The following CTNNA3 variants were observed in gnomAD, a reference collection of about 807,000 sequenced individuals.
CTNNA3 encodes the protein catenin alpha-3.
Under a neutral mutation model 95.7 loss-of-function variants are expected in CTNNA3, and 76 were observed. The observed-to-expected ratio is 0.79, with a 90% CI of 0.66 to 0.96. The LOEUF (loss-of-function observed/expected upper bound fraction) is 0.96. Ranked by LOEUF, CTNNA3 falls within the 40% of genes least tolerant of loss-of-function variation. The pLI is 0.00. For missense variants in CTNNA3, 1,191 were observed against 1,089.8 expected (o/e 1.09, Z -1.31); for synonymous variants, 431 against 374.4 (o/e 1.15, Z -1.74).
At chr10:67,295,355 T>C (rs536506347) in intron 5 of CTNNA3, among the ~76,000 whole-genome samples, 1 of 152,310 alleles carries the variant, frequency 6.6e-6, no homozygotes, top group Admixed American at 6.5e-5. Flanking sequence ...TGTAAAATTA[T>C]AAAGCCATTT....
In CTNNA3 at chr10:65,916,125, A is replaced by C. The variant is rs188868209; in HGVS notation, c.*4205T>G. ...TAATGGTATGGGAAAAGAGTCATAA[A>C]GAAAAAAATGGAATTTTCATATAAA... is the stretch of plus-strand genomic sequence containing the variant. On this transcript the variant is annotated 3_prime_UTR_variant, in exon 18 of 18. Coordinates refer to ENST00000433211, the MANE Select transcript of CTNNA3 (RefSeq NM_013266.4). 430 of 152,268 alleles carry C rather than the reference A, an allele frequency of 2.8e-3. 4 individuals carry two copies. The highest frequency in any genetic ancestry group is 9.9e-3 in the African/African-American group (412 of 41,584). 9.4% of individuals were successfully genotyped at this position (152,268 alleles called of 1,614,324 possible).
At chr10:66,893,050 T>C (rs1845333931) in intron 7 of CTNNA3, among the ~76,000 whole-genome samples, 1 of 152,128 alleles carries the variant, frequency 6.6e-6, no homozygotes, top group Non-Finnish European at 1.5e-5. Flanking sequence ...GATGTTACTA[T>C]ACATGGTAAC....
At chr10:66,845,714 A>T (rs1385624364) in intron 7 of CTNNA3, among the ~76,000 whole-genome samples, 85 of 128,900 alleles carry the variant, frequency 6.6e-4, no homozygotes, top group Middle Eastern at 3.9e-3. Context: ...AAAAAAAAAA[A>T]AAAAAAAAAA....
chr10:65,979,268 A>G (rs1450740543), intron 16 of CTNNA3, among the ~76,000 whole-genome samples: 3 of 152,162 alleles, frequency 2.0e-5, no homozygotes, highest in Admixed American at 1.3e-4. Context: ...TCCTTATTCA[A>G]CAAAGCTCCT....
intron 15 of CTNNA3, among the ~76,000 whole-genome samples, chr10:66,022,088 G>T (rs1354911540): frequency 6.6e-6 from 1 of 151,754 alleles, no homozygotes; most frequent in Non-Finnish European, 1.5e-5. Context: ...AAACTTTTGG[G>T]CTCAAACAAT....
intron 11 of CTNNA3, among the ~76,000 whole-genome samples, chr10:66,506,972 A>G (rs931130092): frequency 6.6e-6 from 1 of 152,182 alleles, no homozygotes; most frequent in African/African-American, 2.4e-5. Context: ...TTAAATAAAT[A>G]TCATATTGAG....
intron 7 of CTNNA3, among the ~76,000 whole-genome samples, chr10:67,007,043 T>G (rs1231701868): frequency 6.6e-6 from 1 of 152,110 alleles, no homozygotes; most frequent in African/African-American, 2.4e-5. Context: ...TGATCCACCC[T>G]GCTCAGCCTC....
chr10:66,248,155 C>T (rs1252083302), intron 13 of CTNNA3, among the ~76,000 whole-genome samples: 1 of 151,756 alleles, frequency 6.6e-6, no homozygotes, highest in African/African-American at 2.4e-5. Flanking sequence ...TTGTTTATGC[C>T]ATCAACTTTA....
intron 11 of CTNNA3, among the ~76,000 whole-genome samples, chr10:66,386,176 G>A (rs577086803): frequency 2.0e-5 from 3 of 152,184 alleles, no homozygotes; most frequent in Admixed American, 2.0e-4. Flanking sequence ...CATATGAGAT[G>A]ATTGTACTTT....
intron 9 of CTNNA3, among the ~76,000 whole-genome samples, chr10:66,752,450 T>C (rs765759265): frequency 6.6e-6 from 1 of 152,148 alleles, no homozygotes; most frequent in Non-Finnish European, 1.5e-5. Context: ...TATACAATAA[T>C]TAATGCAAAC....
intron 4 of CTNNA3, among the ~76,000 whole-genome samples, chr10:67,531,236 A>C (rs1030882493): frequency 6.6e-6 from 1 of 152,112 alleles, no homozygotes; most frequent in African/African-American, 2.4e-5. Context: ...CCACCCTAGA[A>C]TGATAGCTCC....
chr10:66,069,660 C>G (rs1454099497), intron 14 of CTNNA3, among the ~76,000 whole-genome samples, 171 bp from the exon 15 acceptor site: 1 of 152,082 alleles, frequency 6.6e-6, no homozygotes, highest in African/African-American at 2.4e-5. Flanking sequence ...ATATAAAAAT[C>G]TATTAAATTA....
intron 15 of CTNNA3, among the ~76,000 whole-genome samples, chr10:66,014,490 A>G (rs2079058442): frequency 6.6e-6 from 1 of 152,146 alleles, no homozygotes; most frequent in Non-Finnish European, 1.5e-5. Context: ...AAAAGTTCCC[A>G]ATTTATTTCC....
chr10:67,216,654 A>G (rs1787817153), intron 6 of CTNNA3, among the ~76,000 whole-genome samples: 1 of 152,186 alleles, frequency 6.6e-6, no homozygotes, highest in South Asian at 2.1e-4. Context: ...AAAAAGTTAA[A>G]AAAAGTGAAT....
At chr10:66,005,866 C>T (rs1276073973) in intron 15 of CTNNA3, among the ~76,000 whole-genome samples, 1 of 151,962 alleles carries the variant, frequency 6.6e-6, no homozygotes, top group Non-Finnish European at 1.5e-5. Flanking sequence ...ATAAATACTG[C>T]ATACTTAAAG....
At position 66,928,461 on chromosome 10, in the gene CTNNA3, C is replaced by A. The variant is rs371588830; in HGVS notation, c.1048-152937G>T. 5.7e-6 allele frequency: 9 copies of A among 1,579,774 alleles called. No homozygotes were observed. The African/African-American group carries it at 1.1e-4, about 19-fold the overall frequency. ...GCTCCAGGGAGTGTGAGGTATGAAC[C>A]ATTGTGATAAAAAGAGCTCTTAAAA... On this transcript the variant is annotated intron_variant, in intron 7 of 17. Coordinates refer to ENST00000433211, the MANE Select transcript of CTNNA3 (RefSeq NM_013266.4).
At chr10:66,108,677 G>A (rs1343061696) in intron 13 of CTNNA3, among the ~76,000 whole-genome samples, 1 of 151,964 alleles carries the variant, frequency 6.6e-6, no homozygotes, top group East Asian at 1.9e-4. Context: ...CATGAAAATA[G>A]GGATGTTGTT....
intron 15 of CTNNA3, among the ~76,000 whole-genome samples, chr10:66,050,663 T>G (rs1025014348): frequency 1.3e-5 from 2 of 152,166 alleles, no homozygotes; most frequent in African/African-American, 4.8e-5. Flanking sequence ...ATTCACACCA[T>G]GTTATCTCCT....
At chr10:67,349,605 T>G (rs946961127) in intron 5 of CTNNA3, among the ~76,000 whole-genome samples, 1 of 152,144 alleles carries the variant, frequency 6.6e-6, no homozygotes, top group African/African-American at 2.4e-5. Flanking sequence ...TTAATCAAGA[T>G]AAATAAGTTC....
Sources: gnomAD v4.1 joint callset for allele counts (sites outside exome capture counted in the v4.1 genomes callset) on GRCh38, gnomAD v4.1.1 for gene constraint, MANE v1.5 for transcripts, NCBI Gene and HGNC (gene_info 2026-07-23, HGNC 2026-07-21) for gene names.